NIBAN2: variants seen among roughly 807,000 people sequenced by gnomAD.
NIBAN2 encodes niban apoptosis regulator 2.
A neutral mutation model predicts 81.8 loss-of-function variants in NIBAN2; 36 were observed. That is an observed-to-expected ratio of 0.44 (90% confidence interval 0.34 to 0.58). The LOEUF is 0.58. NIBAN2 is among the 20% of genes least tolerant of loss of function. The probability of loss-of-function intolerance (pLI) is 0.02; values close to 1 mark genes in which losing one functional copy is unlikely to be tolerated. For synonymous variants in NIBAN2, 445 were observed against 441.6 expected (o/e 1.01, Z -0.10); for missense variants, 897 against 1,014.1 (o/e 0.88, Z 1.57).
At chr9:127,512,284 T>C (rs1322583950) in intron 8 of NIBAN2, among the ~76,000 whole-genome samples, 1 of 126,160 alleles carries the variant, frequency 7.9e-6, no homozygotes, top group Non-Finnish European at 1.7e-5. Context: ...ATGTTCATTT[T>C]ACATTTTTTT....
At position 127,508,045 on chromosome 9, in the gene NIBAN2, T is replaced by C. The variant is rs755430904; in HGVS notation, c.1542+48A>G. 2 of 1,608,722 alleles carry C rather than the reference T, an allele frequency of 1.2e-6. No homozygotes were observed. The highest frequency in any genetic ancestry group is 1.7e-6 in the Non-Finnish European group (2 of 1,175,368). ...GGTAGAGGGAGGCCTGTGGGCTCCA[T>C]CCCCCAACTTAGGGCCCAAACGGCT... On this transcript the variant is annotated intron_variant, in intron 12 of 13. Coordinates refer to ENST00000373312, the MANE Select transcript of NIBAN2 (RefSeq NM_022833.4). The surrounding 1 kb of genome is among the most constrained non-coding windows in gnomAD (Gnocchi z 6.4).
chr9:127,578,825 C>G, intron 1 of NIBAN2: 1 of 1,216,604 alleles, frequency 8.2e-7, no homozygotes, highest in Non-Finnish European at 1.2e-6. Flanking sequence ...CCGCTGCACT[C>G]CAGCCTGAGT....
chr9:127,506,946 G>T lies in NIBAN2; in HGVS notation c.2140C>A (p.Pro714Thr). 6.2e-7 allele frequency: 1 copy of T among 1,608,716 alleles called. No individual in the cohort carries two copies. Among genetic ancestry groups the T allele is most frequent in the South Asian group, 1.1e-5 (1 of 90,394 alleles). The change falls in exon 14 of 14, where the codon CCC (proline) becomes ACC (threonine). Residue 714 changes from proline (P) to threonine (T), a missense_variant. This residue lies in a region of NIBAN2 where 619 missense variants were observed against 691.0 expected (regional missense o/e 0.90). Transcript: ENST00000373312. ...TGCTCTCCAGTCTCCTGGTCGCTGG[G>T]CTTGGGGGGCCCAAGGTCCACAGCC... ...GKAVDLGPPK[P>T]SDQETGEQVS...
At chr9:127,535,771 G>A (rs554598602) in intron 1 of NIBAN2, among the ~76,000 whole-genome samples, 1 of 152,014 alleles carries the variant, frequency 6.6e-6, no homozygotes, top group Admixed American at 6.5e-5. Flanking sequence ...TGCTGGAGGG[G>A]TCTGGTCTCC....
upstream of NIBAN2, among the ~76,000 whole-genome samples, chr9:127,573,677 A>G (rs1456390811): frequency 6.6e-6 from 1 of 152,088 alleles, no homozygotes; most frequent in Non-Finnish European, 1.5e-5. Flanking sequence ...ATTTCGAGAC[A>G]GGGTCTCGTT....
chr9:127,544,756 G>A (rs1455399082), intron 1 of NIBAN2, among the ~76,000 whole-genome samples: 9 of 152,212 alleles, frequency 5.9e-5, no homozygotes, highest in Admixed American at 2.6e-4. Context: ...CACCCGCCTC[G>A]GCCTCCCGAA....
intron 1 of NIBAN2, among the ~76,000 whole-genome samples, chr9:127,549,018 C>T (rs1222794378): frequency 1.3e-5 from 2 of 152,140 alleles, no homozygotes; most frequent in Non-Finnish European, 2.9e-5. Context: ...CAAAGAGCAC[C>T]CACCTCCAAG....
At chr9:127,552,684 G>GTTTTTTTTTTT (rs919155330) in intron 1 of NIBAN2, among the ~76,000 whole-genome samples, 1 of 97,974 alleles carries the variant, frequency 1.0e-5, no homozygotes, top group African/African-American at 3.9e-5. Context: ...TGGAATATTC[G>GTTTTTTTTTTT]TTTTTTTTTT....
chr9:127,517,087 G>C lies in NIBAN2; in HGVS notation c.810+25C>G. 1.9e-6 allele frequency: 3 copies of C among 1,611,064 alleles called. No individual in the cohort carries two copies. The highest frequency in any genetic ancestry group is 2.5e-6 in the Non-Finnish European group (3 of 1,178,028). The stretch of plus-strand genomic sequence containing the variant: ...CGCACCAGCTGCAGGTCCCGTCCCC[G>C]CTCCAGGGCCCCAGGCCCACCCACC... On this transcript the variant is annotated intron_variant, in intron 7 of 13. Coordinates refer to ENST00000373312, the MANE Select transcript of NIBAN2 (RefSeq NM_022833.4). The surrounding 1 kb of genome is among the most constrained non-coding windows in gnomAD (Gnocchi z 4.0).
At chr9:127,550,950 G>A (rs1837564552) in intron 1 of NIBAN2, among the ~76,000 whole-genome samples, 1 of 151,898 alleles carries the variant, frequency 6.6e-6, no homozygotes, top group African/African-American at 2.4e-5. Context: ...TCAACCCCCT[G>A]TCCCGTGTGC....
At position 127,557,289 on chromosome 9, in the gene NIBAN2, C is replaced by T. The variant is rs77386978; in HGVS notation, c.55+11531G>A. Among the ~76,000 whole-genome samples, 840 of 152,244 alleles carry T rather than the reference C, an allele frequency of 5.5e-3. 14 individuals carry two copies. The East Asian group carries it at 0.064, about 12-fold the overall frequency. On this transcript the variant is annotated intron_variant, in intron 1 of 13. Transcript: ENST00000373312. The stretch of plus-strand genomic sequence containing the variant: ...AGGGTCAGTCTGAAGGAGGGTGACA[C>T]ATGGTTAGTAGCAAGGTCACTCTAC...
upstream of NIBAN2, among the ~76,000 whole-genome samples, chr9:127,571,781 G>T (rs557639673): frequency 3.7e-4 from 57 of 152,124 alleles, no homozygotes; most frequent in African/African-American, 1.3e-3. Context: ...ATAGCTCTCC[G>T]CAAATCTGGG....
In NIBAN2 at chr9:127,568,546, G is replaced by A. The variant is rs961256691; in HGVS notation, c.55+274C>T. On this transcript the variant is annotated intron_variant, in intron 1 of 13. Coordinates refer to ENST00000373312, the MANE Select transcript of NIBAN2 (RefSeq NM_022833.4). ...CTCGGCCAGGGGTCGTGGGCTGGGG[G>A]TCCGCCAAGCCCGGGCTCCGAAGGG... Among the ~76,000 whole-genome samples the A allele has an allele frequency of 2.0e-5, 3 of 151,984 alleles. No individual in the cohort carries two copies. The South Asian group carries it at 6.2e-4, about 31-fold the overall frequency.
chr9:127,543,455 C>T (rs1314980148), intron 1 of NIBAN2, among the ~76,000 whole-genome samples: 1 of 152,182 alleles, frequency 6.6e-6, no homozygotes, highest in Non-Finnish European at 1.5e-5. Context: ...AACCTAGACT[C>T]CACGGGCTGT....
At position 127,506,949 on chromosome 9, in the gene NIBAN2, T is replaced by G; in HGVS notation, c.2137A>C (p.Lys713Gln). The G allele has an allele frequency of 1.2e-6, 2 of 1,608,378 alleles. No homozygotes were observed. The highest frequency in any genetic ancestry group is 2.2e-5 in the South Asian group (2 of 90,334). The part of the protein sequence containing the change: ...PGKAVDLGPP[K>Q]PSDQETGEQV... ...TCTCCAGTCTCCTGGTCGCTGGGCTTGGGGGGCCCAAGGTCCACAGCCTTT... is the reference window on the plus strand; with the variant it reads ...TCTCCAGTCTCCTGGTCGCTGGGCTGGGGGGGCCCAAGGTCCACAGCCTTT... The change falls in exon 14 of 14, where the codon AAG (lysine) becomes CAG (glutamine). Residue 713 changes from lysine to glutamine, a missense_variant. Physicochemically the swap from Lys to Gln is moderately conservative, Grantham distance 53 (BLOSUM62 1). Around this residue, in one of 3 missense-constraint regions of NIBAN2, gnomAD observed 619 missense variants for 691.0 expected, o/e 0.90. Coordinates refer to ENST00000373312, the MANE Select transcript of NIBAN2 (RefSeq NM_022833.4).
intron 1 of NIBAN2, among the ~76,000 whole-genome samples, chr9:127,547,811 T>A (rs758864608): frequency 1.3e-5 from 2 of 152,104 alleles, no homozygotes; most frequent in African/African-American, 2.4e-5. Flanking sequence ...CACTCCAGCC[T>A]GGGCAACAAG....
At chr9:127,575,526 C>CT (rs60340873) in intron 1 of NIBAN2, among the ~76,000 whole-genome samples, 87,357 of 122,216 alleles carry the variant, frequency 0.71, 31,598 homozygotes, top group African/African-American at 0.76. Flanking sequence ...GTGCTGGGCC[C>CT]TTTTTTTTTT....
intron 5 of NIBAN2, 81 bp from the exon 6 acceptor site, chr9:127,518,022 A>C (rs1338325063): frequency 1.4e-4 from 104 of 762,144 alleles, no homozygotes; most frequent in East Asian, 2.6e-4. Flanking sequence ...ACTGACCAAA[A>C]CCCCCCCCAC....
chr9:127,526,839 G>A (rs1421863940), intron 3 of NIBAN2, among the ~76,000 whole-genome samples: 1 of 152,206 alleles, frequency 6.6e-6, no homozygotes, highest in African/African-American at 2.4e-5. Flanking sequence ...GGGAGGGGTC[G>A]GAGGAGAGGC....
Sources: allele counts gnomAD v4.1 joint callset (sites outside exome capture counted in the v4.1 genomes callset), GRCh38; gene constraint gnomAD v4.1.1; regional missense constraint gnomAD v4.1.1; non-coding constraint Gnocchi (gnomAD v3.1); transcripts MANE v1.5; gene names NCBI Gene and HGNC (gene_info 2026-07-23, HGNC 2026-07-21).